Variants in CNTNAP2 observed in about 807,000 individuals in gnomAD.
CNTNAP2 encodes the protein contactin-associated protein-like 2.
CNTNAP2 carries 98 observed loss-of-function variants against 155.2 expected under a neutral mutation model. The observed-to-expected ratio is 0.63, with a 90% CI of 0.54 to 0.75. The LOEUF (loss-of-function observed/expected upper bound fraction) is 0.75. Ranked by LOEUF, CNTNAP2 falls within the 30% of genes least tolerant of loss-of-function variation. The pLI, the probability that CNTNAP2 is intolerant of heterozygous loss-of-function variation, is 0.00. For missense variants in CNTNAP2, 1,727 were observed against 1,688.1 expected (o/e 1.02, Z -0.40); for synonymous variants, 651 against 631.2 (o/e 1.03, Z -0.47).
chr7:147,644,211 T>C (rs1383117655), intron 13 of CNTNAP2, among the ~76,000 whole-genome samples: 1 of 152,232 alleles, frequency 6.6e-6, no homozygotes, highest in Non-Finnish European at 1.5e-5. Context: ...GTCATCCAAA[T>C]GGATGTCTAC....
At chr7:146,934,975 C>T (rs1344562324) in intron 3 of CNTNAP2, among the ~76,000 whole-genome samples, 1 of 152,130 alleles carries the variant, frequency 6.6e-6, no homozygotes, top group East Asian at 1.9e-4. Context: ...CTAAATAGTC[C>T]ATTTGCTATT....
At position 148,172,232 on chromosome 7, in the gene CNTNAP2, T is replaced by C. The variant is rs1398543558; in HGVS notation, c.2774-10T>C. 1.2e-6 allele frequency: 2 copies of C among 1,613,220 alleles called. No homozygotes were observed. Among genetic ancestry groups the C allele is most frequent in the Non-Finnish European group, 1.7e-6 (2 of 1,179,736 alleles). ...TTCCCTCTGAACTCTGTGCCTTCTG[T>C]CATTCCCAGGTGGTGCTGGGGGCCA... On this transcript the variant is annotated splice_polypyrimidine_tract_variant and intron_variant, in intron 17 of 23. Coordinates refer to ENST00000361727, the MANE Select transcript of CNTNAP2 (RefSeq NM_014141.6).
At chr7:147,744,712 G>A (rs1168776384) in intron 13 of CNTNAP2, among the ~76,000 whole-genome samples, 1 of 152,114 alleles carries the variant, frequency 6.6e-6, no homozygotes. Flanking sequence ...GCTTGCTGAC[G>A]GCTGCCTTCT....
chr7:148,296,291 A>T (rs1238237358), intron 21 of CNTNAP2, among the ~76,000 whole-genome samples: 1 of 151,970 alleles, frequency 6.6e-6, no homozygotes, highest in Non-Finnish European at 1.5e-5. Context: ...CACATCTGTA[A>T]TCCTAGCACT....
At chr7:147,690,121 G>A (rs796395268) in intron 13 of CNTNAP2, among the ~76,000 whole-genome samples, 10 of 152,120 alleles carry the variant, frequency 6.6e-5, no homozygotes, top group African/African-American at 2.2e-4. Context: ...TGATTTACAG[G>A]ATAAATTCCA....
chr7:146,536,183 C>A (rs779792993), intron 1 of CNTNAP2, among the ~76,000 whole-genome samples: 3 of 152,158 alleles, frequency 2.0e-5, no homozygotes, highest in South Asian at 4.1e-4. Flanking sequence ...CAAAGGACAG[C>A]AAATTGCACT....
At chr7:147,720,128 A>G (rs1211825783) in intron 13 of CNTNAP2, among the ~76,000 whole-genome samples, 3 of 152,090 alleles carry the variant, frequency 2.0e-5, no homozygotes, top group Non-Finnish European at 4.4e-5. Flanking sequence ...AATTTTCCCA[A>G]AGCGAAGTGA....
chr7:146,812,199 C>G (rs1386143679), intron 2 of CNTNAP2, among the ~76,000 whole-genome samples: 1 of 151,984 alleles, frequency 6.6e-6, no homozygotes, highest in Non-Finnish European at 1.5e-5. Context: ...TTCCTAGAGG[C>G]TTGTTGAATG....
chr7:146,121,057 T>C (rs1486593291), intron 1 of CNTNAP2, among the ~76,000 whole-genome samples: 1 of 151,808 alleles, frequency 6.6e-6, no homozygotes, highest in Admixed American at 6.6e-5. Flanking sequence ...TCACTGTTCC[T>C]TATTAGTAAA....
At chr7:146,713,586 C>T (rs1801135828) in intron 1 of CNTNAP2, among the ~76,000 whole-genome samples, 1 of 152,160 alleles carries the variant, frequency 6.6e-6, no homozygotes, top group South Asian at 2.1e-4. Flanking sequence ...CTATGTATCT[C>T]TATTCTTTCT....
rs548641365 is a variant in CNTNAP2, at chr7:146,604,624, C to G, written c.98-169647C>G. Among the ~76,000 whole-genome samples the G allele has an allele frequency of 8.8e-3, 1,090 of 124,054 alleles. 17 individuals are homozygous for G. The highest frequency in any genetic ancestry group is 0.032 in the African/African-American group (1,026 of 32,152). The allele number at this position is 124,054 out of a possible 152,430, so 81.4% of individuals were successfully genotyped here. The stretch of plus-strand genomic sequence containing the variant: ...ATGCTGCTATAAAGACACATGCACA[C>G]GTATGTTTATTGTGGCATTATTCAC... On this transcript the variant is annotated intron_variant, in intron 1 of 23. Transcript: ENST00000361727.
intron 13 of CNTNAP2, among the ~76,000 whole-genome samples, chr7:147,740,833 GCAGGA>G (rs1484567495): frequency 6.6e-6 from 1 of 152,186 alleles, no homozygotes; most frequent in Non-Finnish European, 1.5e-5. Context: ...AACAATGGAA[GCAGGA>G]CAGGGAAGGA....
intron 21 of CNTNAP2, among the ~76,000 whole-genome samples, chr7:148,340,838 A>AGAAAGTG (rs1221914624): frequency 6.6e-6 from 1 of 152,242 alleles, no homozygotes; most frequent in Non-Finnish European, 1.5e-5. Flanking sequence ...AAGAGAGAAC[A>AGAAAGTG]GAAAGTGTAA....
At chr7:148,122,203 C>T (rs1804611791) in intron 16 of CNTNAP2, among the ~76,000 whole-genome samples, 1 of 152,134 alleles carries the variant, frequency 6.6e-6, no homozygotes, top group African/African-American at 2.4e-5. Context: ...GTCATACAGC[C>T]AGGAAGTGGC....
At chr7:148,296,857 C>T (rs932415549) in intron 21 of CNTNAP2, among the ~76,000 whole-genome samples, 12 of 152,106 alleles carry the variant, frequency 7.9e-5, no homozygotes, top group Non-Finnish European at 1.5e-4. Context: ...TCTAAGGGTT[C>T]GAAATCATGA....
intron 1 of CNTNAP2, among the ~76,000 whole-genome samples, chr7:146,393,877 G>A (rs1003486440): frequency 1.1e-4 from 17 of 152,076 alleles, no homozygotes; most frequent in Non-Finnish European, 1.6e-4. Context: ...ATATCTGCAT[G>A]TAGCCTCCAT....
At chr7:147,475,193 C>T (rs975569636) in intron 10 of CNTNAP2, among the ~76,000 whole-genome samples, 4 of 152,140 alleles carry the variant, frequency 2.6e-5, no homozygotes, top group African/African-American at 9.7e-5. Context: ...ATGCAATAAA[C>T]ATTTTTAAAT....
intron 2 of CNTNAP2, among the ~76,000 whole-genome samples, chr7:146,814,762 C>T (rs1364050406): frequency 6.6e-6 from 1 of 151,958 alleles, no homozygotes; most frequent in Non-Finnish European, 1.5e-5. Context: ...CAAAGTCACC[C>T]CAAAGAAATA....
intron 1 of CNTNAP2, among the ~76,000 whole-genome samples, chr7:146,681,875 A>G (rs2129170015): frequency 6.6e-6 from 1 of 152,264 alleles, no homozygotes; most frequent in South Asian, 2.1e-4. Flanking sequence ...TCCCTTCCCC[A>G]CAATAATTAT....
Sources: gnomAD v4.1 joint callset for allele counts (sites outside exome capture counted in the v4.1 genomes callset) on GRCh38, gnomAD v4.1.1 for gene constraint, MANE v1.5 for transcripts, NCBI Gene and HGNC (gene_info 2026-07-23, HGNC 2026-07-21) for gene names.